DDX60L: variants seen among roughly 807,000 people sequenced by gnomAD.
The protein encoded by DDX60L is DExD/H-box 60 like, also known as probable ATP-dependent RNA helicase DDX60-like.
DDX60L carries 191 observed loss-of-function variants against 211.6 expected under a neutral mutation model. The observed-to-expected ratio is 0.90, with a 90% CI of 0.80 to 1.02. The LOEUF (loss-of-function observed/expected upper bound fraction) is 1.02. Among genes scored for constraint, DDX60L ranks in the 50% least tolerant of loss-of-function variants. The pLI is 0.00. For missense variants in DDX60L, 2,007 were observed against 1,984.1 expected, an observed-to-expected ratio of 1.01 and a Z score of -0.22; for synonymous variants, 706 against 694.1, an observed-to-expected ratio of 1.02 and a Z score of -0.27.
At chr4:168,380,135 G>A (rs955599426) in intron 30 of DDX60L, 17 of 235,374 alleles carry the variant, frequency 7.2e-5, no homozygotes, top group Admixed American at 2.2e-4. Flanking sequence ...AAGCCAATCC[G>A]GCTTACAAGA....
At chr4:168,438,312 A>T (rs1753351180) in intron 10 of DDX60L, among the ~76,000 whole-genome samples, 1 of 152,164 alleles carries the variant, frequency 6.6e-6, no homozygotes, top group African/African-American at 2.4e-5. Flanking sequence ...ATTGATTTAT[A>T]TCTTTACCTG....
chr4:168,442,368 CG>C (rs1474718761), intron 9 of DDX60L, among the ~76,000 whole-genome samples: 1 of 152,058 alleles, frequency 6.6e-6, no homozygotes, highest in Non-Finnish European at 1.5e-5. Context: ...CACGGAGTCT[CG>C]CTGATTGCTA....
In DDX60L at chr4:168,441,332, A is replaced by G. The variant is rs537451223; in HGVS notation, c.1294+5T>C. On this transcript the variant is annotated splice_donor_5th_base_variant and intron_variant, in intron 10 of 37. Transcript: ENST00000682922. ...TTGTTCCACTTTAATTTACCCATTTAGTACCTTGAATGACCGATTTCTCTT... is the reference window on the plus strand; with the variant it reads ...TTGTTCCACTTTAATTTACCCATTTGGTACCTTGAATGACCGATTTCTCTT... 1.3e-6 allele frequency: 2 copies of G among 1,598,360 alleles called. No homozygotes were observed. Among genetic ancestry groups the G allele is most frequent in the South Asian group, 1.1e-5 (1 of 88,674 alleles).
chr4:168,430,505 G>A lies in DDX60L; in HGVS notation c.1650C>T (p.Ser550=). The A allele has an allele frequency of 6.2e-7, 1 of 1,605,990 alleles. No homozygotes were observed. ...GTAATATTTCACCACTGGCACCACT[G>A]GAATCCTCCTTTGGCCGAGTAGTTT... The part of the protein sequence containing the change: ...VTQTTRPKED[S]SGASGEILQN... The change falls in exon 13 of 38, where the codon TCC becomes TCT. Residue 550 remains serine, a synonymous_variant. Coordinates refer to ENST00000682922, the MANE Select transcript of DDX60L (RefSeq NM_001012967.3).
In DDX60L at chr4:168,441,438, T is replaced by C. The variant is rs1240753143; in HGVS notation, c.1193A>G (p.Asn398Ser). 1 of 1,613,044 alleles carries C rather than the reference T, an allele frequency of 6.2e-7. No individual in the cohort carries two copies. Among genetic ancestry groups the C allele is most frequent in the East Asian group, 2.2e-5 (1 of 44,826 alleles). The change falls in exon 10 of 38, where the codon AAT becomes AGT. Residue 398 changes from asparagine (N) to serine (S), a missense_variant. Asn to Ser is a conservative substitution (Grantham distance 46). Transcript: ENST00000682922. ...SIRRDYEDLW[N>S]VVSHLVKEFN... ...TTCTTTAACCAGGTGTGACACAACA[T>C]TCCACAGGTCTTCATAATCCCTCCT...
At chr4:168,434,367 C>T (rs1315930106) in intron 10 of DDX60L, among the ~76,000 whole-genome samples, 2 of 152,170 alleles carry the variant, frequency 1.3e-5, no homozygotes, top group African/African-American at 2.4e-5. Flanking sequence ...GTTAGAGTGA[C>T]TTATCATGTA....
At chr4:168,431,433 C>G (rs540089994) in intron 12 of DDX60L, among the ~76,000 whole-genome samples, 47 of 151,996 alleles carry the variant, frequency 3.1e-4, no homozygotes, top group African/African-American at 1.1e-3. Context: ...TAGCTTATTC[C>G]TATATGCAAT....
In DDX60L at chr4:168,422,512, T is replaced by G. The variant is rs1276507176; in HGVS notation, c.2244+12A>C. 2 of 1,604,260 alleles carry G rather than the reference T, an allele frequency of 1.2e-6. No individual in the cohort carries two copies. Among genetic ancestry groups the G allele is most frequent in the Admixed American group, 3.5e-5 (2 of 57,874 alleles). On this transcript the variant is annotated intron_variant, in intron 16 of 37. Transcript: ENST00000682922. ...ACACTGATTAGAAAAGTACAATGTT[T>G]GTTGTCATTACCTGCCATGCGTTGG... is the stretch of plus-strand genomic sequence containing the variant.
chr4:168,429,391 C>A (rs1039946008), intron 13 of DDX60L, among the ~76,000 whole-genome samples: 1 of 152,142 alleles, frequency 6.6e-6, no homozygotes, highest in Non-Finnish European at 1.5e-5. Flanking sequence ...CTCAGGTGAT[C>A]CGCCCACCTT....
chr4:168,463,971 T>C (rs1441221877), intron 4 of DDX60L, among the ~76,000 whole-genome samples: 1 of 152,212 alleles, frequency 6.6e-6, no homozygotes, highest in Non-Finnish European at 1.5e-5. Context: ...TCTATTGATT[T>C]GCCATTCTAC....
chr4:168,368,514 G>A (rs1296834937), intron 36 of DDX60L, among the ~76,000 whole-genome samples: 1 of 152,240 alleles, frequency 6.6e-6, no homozygotes. Context: ...AGTGAAGAAG[G>A]AAAATGTGGG....
At chr4:168,461,476 C>T (rs1757311811) in intron 5 of DDX60L, among the ~76,000 whole-genome samples, 1 of 152,066 alleles carries the variant, frequency 6.6e-6, no homozygotes, top group Admixed American at 6.5e-5. Flanking sequence ...TGCTACAAAC[C>T]TTATAGGAGT....
In DDX60L at chr4:168,406,011, T is replaced by A; in HGVS notation, c.3152A>T (p.Lys1051Ile). The A allele has an allele frequency of 6.2e-7, 1 of 1,603,414 alleles. No individual in the cohort carries two copies. Among genetic ancestry groups the A allele is most frequent in the East Asian group, 2.3e-5 (1 of 44,374 alleles). The change falls in exon 24 of 38, where the codon AAA becomes ATA. Residue 1051 changes from lysine (K) to isoleucine (I), a missense_variant. Physicochemically the swap from Lys to Ile is moderately radical, Grantham distance 102. Coordinates refer to ENST00000682922, the MANE Select transcript of DDX60L (RefSeq NM_001012967.3). Reference sequence around the variant, plus strand: ...TTCTGCCTTTAAGTTTTCTTCATATTTTCTAGCATCCAACTTCTTAATGAC... The same window carrying A: ...TTCTGCCTTTAAGTTTTCTTCATATATTCTAGCATCCAACTTCTTAATGAC... ...KIVIKKLDARKYEENLKAELT... is the reference protein window; with the variant it reads ...KIVIKKLDARIYEENLKAELT...
intron 13 of DDX60L, among the ~76,000 whole-genome samples, chr4:168,429,726 G>A (rs894581822): frequency 6.6e-6 from 1 of 152,198 alleles, no homozygotes; most frequent in Non-Finnish European, 1.5e-5. Context: ...ACTGCATCAT[G>A]GGGAGGGGGT....
In DDX60L at chr4:168,458,621, G is replaced by A. The variant is rs1756901241; in HGVS notation, c.607-613C>T. ...TGAACAATGAGAACACATGGACACA[G>A]GGAAAGGAACAACACACACTAGGGC... is the stretch of plus-strand genomic sequence containing the variant. On this transcript the variant is annotated intron_variant, in intron 5 of 37. Coordinates refer to ENST00000682922, the MANE Select transcript of DDX60L (RefSeq NM_001012967.3). Among the ~76,000 whole-genome samples, 4 of 152,218 alleles carry A rather than the reference G, an allele frequency of 2.6e-5. No homozygotes were observed. The South Asian group carries it at 8.3e-4, about 32-fold the overall frequency.
intron 19 of DDX60L, 27 bp downstream of exon 19, chr4:168,419,275 C>A: frequency 6.6e-7 from 1 of 1,509,710 alleles, no homozygotes; most frequent in Non-Finnish European, 9.0e-7. Context: ...ACTAGAACAT[C>A]AACCAGAGAA....
intron 1 of DDX60L, among the ~76,000 whole-genome samples, chr4:168,479,987 A>AT (rs1760204455): frequency 1.1e-5 from 1 of 90,886 alleles, no homozygotes; most frequent in Non-Finnish European, 3.0e-5. Context: ...GACTCAAAAA[A>AT]AAAAAAAAAA....
At chr4:168,428,009 C>A (rs1751733552) in intron 13 of DDX60L, among the ~76,000 whole-genome samples, 1 of 152,252 alleles carries the variant, frequency 6.6e-6, no homozygotes, top group African/African-American at 2.4e-5. Context: ...AGCAGAGGTG[C>A]ACAGCCTGGG....
intron 5 of DDX60L, among the ~76,000 whole-genome samples, chr4:168,461,264 TA>T (rs946682966): frequency 6.6e-6 from 1 of 152,114 alleles, no homozygotes; most frequent in Non-Finnish European, 1.5e-5. Context: ...TCCTTACAAA[TA>T]ACAAAAGACA....
Sources: allele counts gnomAD v4.1 joint callset (sites outside exome capture counted in the v4.1 genomes callset), GRCh38; gene constraint gnomAD v4.1.1; transcripts MANE v1.5; gene names NCBI Gene and HGNC (gene_info 2026-07-23, HGNC 2026-07-21).